FRMPD4: variants seen among roughly 807,000 people sequenced by gnomAD.
FRMPD4 encodes the protein FERM and PDZ domain containing 4.
FRMPD4 carries 22 observed loss-of-function variants against 94.1 expected under a neutral mutation model. The ratio of observed to expected loss-of-function variants is 0.23; its 90% CI spans 0.17 to 0.33. FRMPD4 has a LOEUF of 0.33. Among genes scored for constraint, FRMPD4 ranks in the 10% least tolerant of loss-of-function variants. The pLI is 1.00. For synonymous variants in FRMPD4, 631 were observed against 548.6 expected (o/e 1.15, Z -2.10); for missense variants, 1,111 against 1,339.9 (o/e 0.83, Z 2.67).
At chrX:12,044,075 G>C (rs996288307) in intron 3 of FRMPD4, among the ~76,000 whole-genome samples, 3 of 111,433 alleles carry the variant, frequency 2.7e-5, no homozygotes, top group Admixed American at 9.5e-5. Context: ...AACCTTGTTT[G>C]GGCTGGGGAA....
At chrX:12,712,479 G>A (rs2042004844) in intron 14 of FRMPD4, among the ~76,000 whole-genome samples, 1 of 111,400 alleles carries the variant, frequency 9.0e-6, no homozygotes, top group South Asian at 3.8e-4. Flanking sequence ...AGCCTAGGAG[G>A]TCAACGCGGC....
At chrX:12,250,243 A>G (rs1198858678) in intron 1 of FRMPD4, among the ~76,000 whole-genome samples, 1 of 111,121 alleles carries the variant, frequency 9.0e-6, no homozygotes, top group East Asian at 2.8e-4. Context: ...CTGCAGTTTC[A>G]ACTGGAAACT....
At chrX:11,977,197 A>G (rs1456551590) in intron 3 of FRMPD4, among the ~76,000 whole-genome samples, 1 of 112,127 alleles carries the variant, frequency 8.9e-6, no homozygotes, top group African/African-American at 3.2e-5. Flanking sequence ...AAATGGCTGC[A>G]TTTGTGTAAA....
intron 3 of FRMPD4, among the ~76,000 whole-genome samples, chrX:12,048,316 G>T (rs1003557328): frequency 8.9e-6 from 1 of 111,953 alleles, no homozygotes; most frequent in Non-Finnish European, 1.9e-5. Context: ...AGAAGTGTCT[G>T]TCATGTCTTT....
chrX:12,243,682 A>G (rs1480119920), intron 1 of FRMPD4, among the ~76,000 whole-genome samples: 2 of 105,006 alleles, frequency 1.9e-5, no homozygotes, highest in African/African-American at 7.0e-5. Flanking sequence ...GTTTTTGTCT[A>G]TGACATGTGG....
intron 4 of FRMPD4, among the ~76,000 whole-genome samples, chrX:12,664,649 T>C (rs976953559): frequency 4.5e-5 from 5 of 112,144 alleles, no homozygotes; most frequent in African/African-American, 1.3e-4. Context: ...ATCAGGGATA[T>C]TGGCCTGAAA....
chrX:12,243,292 G>C, intron 1 of FRMPD4, among the ~76,000 whole-genome samples: 1 of 112,103 alleles, frequency 8.9e-6, no homozygotes, highest in South Asian at 3.7e-4. Flanking sequence ...TCTTCTTAAA[G>C]GGCATTTTCA....
chrX:12,549,773 C>T (rs1414040336), intron 2 of FRMPD4, among the ~76,000 whole-genome samples: 1 of 112,303 alleles, frequency 8.9e-6, no homozygotes. Context: ...GAAATTCTTC[C>T]AAGGAAGAGA....
chrX:12,128,669 G>C (rs857363), intron 3 of FRMPD4, among the ~76,000 whole-genome samples: 51,842 of 110,715 alleles, frequency 0.47, 10,006 homozygotes, highest in East Asian at 0.82. Flanking sequence ...CATTGTCAGG[G>C]TGCAAATGCT....
intron 1 of FRMPD4, among the ~76,000 whole-genome samples, chrX:12,418,405 C>T (rs1386547665): frequency 1.0e-5 from 1 of 96,955 alleles, no homozygotes; most frequent in Non-Finnish European, 2.0e-5. Flanking sequence ...GTTGCCCAGG[C>T]TGGAGTGCAG....
In FRMPD4 at chrX:12,558,666, C is replaced by T. The variant is rs201355043; in HGVS notation, c.159-51055C>T. ...GGAATGCATGGATTTTTTTTTTCCC[C>T]TCCACATGAAAAGGCTAAGCAAAAG... On this transcript the variant is annotated intron_variant, in intron 2 of 16. Transcript: ENST00000675598. Among the ~76,000 whole-genome samples the T allele has an allele frequency of 3.6e-5, 4 of 111,318 alleles. No individual in the cohort carries two copies. In the East Asian group the frequency reaches 1.1e-3, roughly 31 times the overall value.
intron 3 of FRMPD4, among the ~76,000 whole-genome samples, chrX:12,073,244 C>T (rs981023668): frequency 1.8e-5 from 2 of 111,339 alleles, no homozygotes; most frequent in African/African-American, 6.5e-5. Context: ...TCCCTAGGGC[C>T]AGAGTTCCCA....
At chrX:12,498,284 A>G (rs1431735967) in intron 1 of FRMPD4, among the ~76,000 whole-genome samples, 6 of 111,763 alleles carry the variant, frequency 5.4e-5, no homozygotes, top group South Asian at 7.6e-4. Flanking sequence ...TTGGGCATAC[A>G]TGAGGGCAAG....
At chrX:11,931,015 A>G (rs2054119901) in intron 3 of FRMPD4, among the ~76,000 whole-genome samples, 1 of 111,444 alleles carries the variant, frequency 9.0e-6, no homozygotes, top group African/African-American at 3.3e-5. Flanking sequence ...CTGTCAGGGG[A>G]AACTTAATGT....
chrX:12,645,758 C>T (rs1319599873), intron 4 of FRMPD4, among the ~76,000 whole-genome samples: 2 of 111,408 alleles, frequency 1.8e-5, no homozygotes, highest in East Asian at 2.8e-4. Flanking sequence ...TAATCTTCCT[C>T]GGACATTAAG....
At chrX:12,278,171 T>C (rs908121856) in intron 1 of FRMPD4, among the ~76,000 whole-genome samples, 3 of 112,434 alleles carry the variant, frequency 2.7e-5, no homozygotes, top group African/African-American at 9.7e-5. Context: ...CAGAAGTTCA[T>C]ACCTTTTCTC....
At chrX:12,359,871 A>G (rs1189456509) in intron 1 of FRMPD4, among the ~76,000 whole-genome samples, 2 of 111,426 alleles carry the variant, frequency 1.8e-5, no homozygotes, top group Non-Finnish European at 3.8e-5. Flanking sequence ...CATCTATTGG[A>G]GGACAAGGTT....
intron 3 of FRMPD4, among the ~76,000 whole-genome samples, chrX:12,095,623 C>G (rs1040884925): frequency 7.2e-5 from 8 of 110,844 alleles, no homozygotes; most frequent in African/African-American, 2.3e-4. Flanking sequence ...TCTAGTCCAG[C>G]AAAAAGGTCA....
At chrX:12,428,933 G>T in intron 1 of FRMPD4, among the ~76,000 whole-genome samples, 1 of 112,017 alleles carries the variant, frequency 8.9e-6, no homozygotes, top group African/African-American at 3.2e-5. Flanking sequence ...CATGCTCCAT[G>T]TATAAGATTA....
Sources: gnomAD v4.1 joint callset for allele counts (sites outside exome capture counted in the v4.1 genomes callset) on GRCh38, gnomAD v4.1.1 for gene constraint, MANE v1.5 for transcripts, NCBI Gene and HGNC (gene_info 2026-07-23, HGNC 2026-07-21) for gene names.